The following FRMD3 variants were observed in gnomAD, a reference collection of about 807,000 sequenced individuals.
FRMD3 encodes the protein FERM domain containing 3.
Under a neutral mutation model 70.2 loss-of-function variants are expected in FRMD3, and 33 were observed. The ratio of observed to expected loss-of-function variants is 0.47; its 90% CI spans 0.36 to 0.63. The LOEUF is 0.63. FRMD3 is among the 20% of genes least tolerant of loss of function. The pLI is 0.00. For missense variants in FRMD3, 632 were observed against 711.4 expected (o/e 0.89, Z 1.27); for synonymous variants, 279 against 255.9 (o/e 1.09, Z -0.86).
chr9:83,576,777 A>T, the FRMD3 span, among the ~76,000 whole-genome samples: 1 of 152,080 alleles, frequency 6.6e-6, no homozygotes. Flanking sequence ...AAAAATAATA[A>T]AGGGCACCCA....
chr9:83,368,398 C>A (rs1824858499), intron 3 of FRMD3, among the ~76,000 whole-genome samples: 1 of 152,098 alleles, frequency 6.6e-6, no homozygotes, highest in Admixed American at 6.5e-5. Context: ...GTGGCACGAT[C>A]TCGGCTCACT....
chr9:83,500,902 T>A (rs1034944654), intron 1 of FRMD3, among the ~76,000 whole-genome samples: 4 of 152,168 alleles, frequency 2.6e-5, no homozygotes, highest in Non-Finnish European at 5.9e-5. Flanking sequence ...TTAGGCACAC[T>A]CTTGGGAGAG....
In FRMD3 at chr9:83,247,682, A is replaced by C. The variant is rs1421647262; in HGVS notation, c.*236T>G. The C allele has an allele frequency of 7.9e-7, 1 of 1,269,994 alleles. No homozygotes were observed. Among genetic ancestry groups the C allele is most frequent in the East Asian group, 3.1e-5 (1 of 31,932 alleles). The allele number at this position is 1,269,994 out of a possible 1,614,324, so 78.7% of individuals were successfully genotyped here. A position where few individuals can be genotyped will look rare whatever the true frequency, so the allele number is the denominator to read the frequency against. ...TATGTCTACACTATAATAAAAAATA[A>C]ACATATTTTTGGTTATTTAAAGACC... On this transcript the variant is annotated 3_prime_UTR_variant, in exon 14 of 14. Coordinates refer to ENST00000304195, the MANE Select transcript of FRMD3 (RefSeq NM_174938.6).
chr9:83,476,416 G>C (rs1828400144), intron 1 of FRMD3, among the ~76,000 whole-genome samples: 1 of 150,848 alleles, frequency 6.6e-6, no homozygotes, highest in Non-Finnish European at 1.5e-5. Context: ...GTTGAATTTT[G>C]CCTCACTGGC....
chr9:83,482,523 G>A (rs1455451808), intron 1 of FRMD3, among the ~76,000 whole-genome samples: 1 of 152,194 alleles, frequency 6.6e-6, no homozygotes, highest in Non-Finnish European at 1.5e-5. Context: ...AGGTTTAGGG[G>A]ATGGAGACAG....
intron 1 of FRMD3, among the ~76,000 whole-genome samples, chr9:83,493,892 C>T (rs144814320): frequency 2.0e-5 from 3 of 152,352 alleles, no homozygotes; most frequent in Non-Finnish European, 4.4e-5. Flanking sequence ...CACAGTCATG[C>T]TCTCCTTTGT....
chr9:83,492,704 T>C (rs770195216), intron 1 of FRMD3, among the ~76,000 whole-genome samples: 1 of 152,186 alleles, frequency 6.6e-6, no homozygotes, highest in Non-Finnish European at 1.5e-5. Flanking sequence ...CTCCACTCAG[T>C]TCCAGCTGTG....
chr9:83,262,053 A>G (rs569347811), intron 13 of FRMD3, among the ~76,000 whole-genome samples: 52 of 152,344 alleles, frequency 3.4e-4, no homozygotes, highest in African/African-American at 1.2e-3. Context: ...AATAGAAGAA[A>G]TCAGTTTCAT....
intron 13 of FRMD3, among the ~76,000 whole-genome samples, chr9:83,262,595 A>G (rs1419002484): frequency 2.0e-5 from 3 of 152,144 alleles, no homozygotes; most frequent in Non-Finnish European, 2.9e-5. Flanking sequence ...TTAAATATTA[A>G]ATTAAACTCT....
At chr9:83,576,148 G>A in the FRMD3 span, among the ~76,000 whole-genome samples, 12,633 of 152,090 alleles carry the variant, frequency 0.083, 653 homozygotes, top group Middle Eastern at 0.2. Flanking sequence ...AATCCTGAAC[G>A]AAATACTAGC....
At chr9:83,567,379 C>T in the FRMD3 span, among the ~76,000 whole-genome samples, 10 of 152,226 alleles carry the variant, frequency 6.6e-5, no homozygotes, top group East Asian at 1.9e-4. Flanking sequence ...GAGGGACTGC[C>T]GTGAAGTTCT....
chr9:83,288,262 A>G (rs1487336354), intron 13 of FRMD3, among the ~76,000 whole-genome samples: 1 of 152,200 alleles, frequency 6.6e-6, no homozygotes, highest in Non-Finnish European at 1.5e-5. Context: ...ATTGCTTGAC[A>G]TTCAAAGACA....
At chr9:83,263,944 A>T (rs1178123827) in intron 13 of FRMD3, among the ~76,000 whole-genome samples, 1 of 152,236 alleles carries the variant, frequency 6.6e-6, no homozygotes, top group East Asian at 1.9e-4. Context: ...ATAGAAAAAC[A>T]TAATATTGTT....
intron 9 of FRMD3, among the ~76,000 whole-genome samples, chr9:83,310,211 G>A (rs1233836291): frequency 6.6e-6 from 1 of 152,150 alleles, no homozygotes; most frequent in East Asian, 1.9e-4. Context: ...AAAAGAGGTA[G>A]GGAGAGGTTC....
intron 1 of FRMD3, among the ~76,000 whole-genome samples, chr9:83,507,874 C>T (rs1193285986): frequency 2.7e-5 from 4 of 150,742 alleles, no homozygotes; most frequent in African/African-American, 7.3e-5. Flanking sequence ...ATATTAAATA[C>T]ATGAACCAGT....
intron 1 of FRMD3, among the ~76,000 whole-genome samples, chr9:83,441,733 A>AAC (rs1345781819): frequency 6.6e-6 from 1 of 152,206 alleles, no homozygotes; most frequent in African/African-American, 2.4e-5. Flanking sequence ...GGCAAAAACA[A>AAC]ACACACACAT....
upstream of FRMD3, among the ~76,000 whole-genome samples, chr9:83,541,322 A>C (rs1829996982): frequency 6.6e-6 from 1 of 152,236 alleles, no homozygotes; most frequent in Admixed American, 6.5e-5. Flanking sequence ...TCACTTCCCA[A>C]TGACTCTGGT....
the FRMD3 span, among the ~76,000 whole-genome samples, chr9:83,558,618 T>C: frequency 1.3e-5 from 2 of 152,220 alleles, no homozygotes; most frequent in African/African-American, 4.8e-5. Context: ...CAGGTCTTAT[T>C]ATTTAAGAAA....
intron 3 of FRMD3, chr9:83,350,925 A>G (rs1392784156): frequency 1.5e-6 from 1 of 655,606 alleles, no homozygotes; most frequent in Non-Finnish European, 1.9e-6. Context: ...TTCAGTTAAC[A>G]TATAAAATGA....
Sources: gnomAD v4.1 joint callset for allele counts (sites outside exome capture counted in the v4.1 genomes callset) on GRCh38, gnomAD v4.1.1 for gene constraint, MANE v1.5 for transcripts, NCBI Gene and HGNC (gene_info 2026-07-23, HGNC 2026-07-21) for gene names.